TANC1: variants seen among roughly 807,000 people sequenced by gnomAD.
TANC1 encodes the protein tetratricopeptide repeat, ankyrin repeat and coiled-coil containing 1, also known as protein TANC1.
Under a neutral mutation model 149.7 loss-of-function variants are expected in TANC1, and 77 were observed. That is an observed-to-expected ratio of 0.51 (90% CI 0.43 to 0.62). The LOEUF (loss-of-function observed/expected upper bound fraction) is 0.62. TANC1 is among the 20% of genes least tolerant of loss of function. The pLI, the probability that TANC1 is intolerant of heterozygous loss-of-function variation, is 0.00. For missense variants in TANC1, 1,985 were observed against 2,321.8 expected, an observed-to-expected ratio of 0.85 and a Z score of 2.98; for synonymous variants, 854 against 925.0, an observed-to-expected ratio of 0.92 and a Z score of 1.39.
At chr2:159,224,124 C>CAG in intron 22 of TANC1, 108 bp from the exon 23 acceptor site, 1 of 1,282,992 alleles carries the variant, frequency 7.8e-7, no homozygotes, top group South Asian at 1.3e-5. Flanking sequence ...CCTTAATAGG[C>CAG]AGAGGCATCT....
chr2:159,049,532 G>A (rs2149582532), intron 2 of TANC1, among the ~76,000 whole-genome samples: 1 of 152,332 alleles, frequency 6.6e-6, no homozygotes, highest in Non-Finnish European at 1.5e-5. Context: ...GGGTCCAGCA[G>A]CCTGCCTCTT....
At chr2:159,005,632 A>G (rs1296382981) in intron 2 of TANC1, among the ~76,000 whole-genome samples, 1 of 151,962 alleles carries the variant, frequency 6.6e-6, no homozygotes, top group African/African-American at 2.4e-5. Context: ...AGTTTTTATA[A>G]TTCATTTTAT....
chr2:159,183,350 G>A (rs952419220), intron 14 of TANC1, among the ~76,000 whole-genome samples: 8 of 152,210 alleles, frequency 5.3e-5, no homozygotes, highest in African/African-American at 7.2e-5. Flanking sequence ...GCGCCAGGGC[G>A]GGTCGGCAGG....
At chr2:159,149,079 A>C in intron 5 of TANC1, 63 bp from the exon 6 acceptor site, 1 of 1,519,832 alleles carries the variant, frequency 6.6e-7, no homozygotes, top group South Asian at 1.3e-5. Flanking sequence ...GTGTGAACTC[A>C]TCCAGATGCG....
rs2060339784 is a variant in TANC1 at position 159,231,728 on chromosome 2, A to G, written c.*716A>G. The G allele has an allele frequency of 1.3e-5, 2 of 152,142 alleles. No homozygotes were observed. Among genetic ancestry groups the G allele is most frequent in the African/African-American group, 4.8e-5 (2 of 41,420 alleles). The allele number at this position is 152,142 out of a possible 1,614,324, so 9.4% of individuals were successfully genotyped here. ...ACAGTATAAGCCATTTGGAGTCATG[A>G]TTGGTGGTCAAGTGGATTCAAGCTA... On this transcript the variant is annotated 3_prime_UTR_variant, in exon 27 of 27. Transcript: ENST00000263635.
chr2:159,211,404 G>C (rs1434650208), intron 19 of TANC1, among the ~76,000 whole-genome samples: 1 of 152,102 alleles, frequency 6.6e-6, no homozygotes, highest in African/African-American at 2.4e-5. Flanking sequence ...CTCCATCTTT[G>C]TATTTCATTG....
chr2:159,176,553 C>G, intron 13 of TANC1, 35 bp downstream of exon 13: 1 of 1,518,494 alleles, frequency 6.6e-7, no homozygotes, highest in Non-Finnish European at 9.0e-7. Context: ...CTCCAAGTCC[C>G]CATTCCAATT....
chr2:159,078,955 A>C (rs974154923), intron 3 of TANC1, among the ~76,000 whole-genome samples: 1 of 122,688 alleles, frequency 8.2e-6, no homozygotes, highest in African/African-American at 3.1e-5. Flanking sequence ...TTGAAGATAT[A>C]GGGTTGTTTT....
At chr2:159,016,967 A>C (rs944497648) in intron 2 of TANC1, among the ~76,000 whole-genome samples, 17 of 152,266 alleles carry the variant, frequency 1.1e-4, no homozygotes, top group African/African-American at 3.9e-4. Flanking sequence ...TTTTTCTTAG[A>C]TGGTGACAGT....
intron 5 of TANC1, among the ~76,000 whole-genome samples, chr2:159,146,465 C>T (rs2052098399): frequency 6.6e-6 from 1 of 151,540 alleles, no homozygotes; most frequent in Non-Finnish European, 1.5e-5. Flanking sequence ...GGGTTTAGAA[C>T]TTGGGTAGCA....
intron 2 of TANC1, among the ~76,000 whole-genome samples, chr2:159,011,351 T>C (rs2037738672): frequency 6.6e-6 from 1 of 152,126 alleles, no homozygotes; most frequent in Admixed American, 6.6e-5. Context: ...AAAACCTTTT[T>C]TAAAGATAGT....
intron 9 of TANC1, 117 bp downstream of exon 9, chr2:159,169,489 T>G: frequency 1.8e-6 from 2 of 1,122,308 alleles, no homozygotes; most frequent in Non-Finnish European, 2.6e-6. Context: ...GGAAAGTGTG[T>G]TTGTGCTAAA....
chr2:159,207,157 G>A (rs549155411), intron 19 of TANC1, among the ~76,000 whole-genome samples: 44 of 152,322 alleles, frequency 2.9e-4, no homozygotes, highest in African/African-American at 6.7e-4. Context: ...ATGAGGAACC[G>A]CTCAAACATT....
chr2:159,023,890 C>T (rs897502542), intron 2 of TANC1, among the ~76,000 whole-genome samples: 14 of 151,764 alleles, frequency 9.2e-5, no homozygotes, highest in Non-Finnish European at 2.1e-4. Context: ...ATCACTTGAA[C>T]CCAGGAGGTG....
At chr2:158,987,233 G>C (rs1003821538) in intron 1 of TANC1, among the ~76,000 whole-genome samples, 1 of 103,044 alleles carries the variant, frequency 9.7e-6, no homozygotes, top group Non-Finnish European at 2.2e-5. Flanking sequence ...AAAAAAAAAA[G>C]AGTCACTGAA....
intron 3 of TANC1, among the ~76,000 whole-genome samples, chr2:159,068,272 T>C (rs1008606341): frequency 6.6e-6 from 1 of 152,236 alleles, no homozygotes; most frequent in Non-Finnish European, 1.5e-5. Context: ...AAATTAAAGC[T>C]GGCTAGTCTA....
intron 17 of TANC1, 63 bp downstream of exon 17, chr2:159,194,556 T>C (rs4665037): frequency 7.2e-7 from 1 of 1,392,756 alleles, no homozygotes; most frequent in Non-Finnish European, 1.0e-6. Flanking sequence ...ATTGCTAGAA[T>C]TGTTATTTGC....
At chr2:159,070,152 A>T (rs1308839049) in intron 3 of TANC1, among the ~76,000 whole-genome samples, 3 of 152,168 alleles carry the variant, frequency 2.0e-5, no homozygotes, top group Non-Finnish European at 4.4e-5. Context: ...AAGTAGAAGG[A>T]AATACTGTTT....
intron 1 of TANC1, among the ~76,000 whole-genome samples, chr2:158,990,727 G>C (rs2149273014): frequency 6.6e-6 from 1 of 152,258 alleles, no homozygotes; most frequent in East Asian, 1.9e-4. Context: ...TGAGCCTAGA[G>C]AGCCTGGTGA....
Sources: allele counts gnomAD v4.1 joint callset (sites outside exome capture counted in the v4.1 genomes callset), GRCh38; gene constraint gnomAD v4.1.1; transcripts MANE v1.5; gene names NCBI Gene and HGNC (gene_info 2026-07-23, HGNC 2026-07-21).